KIAA1614: variants seen among roughly 807,000 people sequenced by gnomAD.
KIAA1614 encodes the protein KIAA1614.
KIAA1614 carries 76 observed loss-of-function variants against 88.7 expected under a neutral mutation model. The ratio of observed to expected loss-of-function variants is 0.86; its 90% CI spans 0.71 to 1.04. The LOEUF is 1.04. Ranked by LOEUF, KIAA1614 falls within the 50% of genes least tolerant of loss-of-function variation. KIAA1614 has a pLI of 0.00. For missense variants in KIAA1614, 1,553 were observed against 1,582.5 expected (o/e 0.98, Z 0.32); for synonymous variants, 714 against 675.5 (o/e 1.06, Z -0.88).
At chr1:180,930,867 G>A (rs1016584790) in intron 4 of KIAA1614, among the ~76,000 whole-genome samples, 3 of 152,238 alleles carry the variant, frequency 2.0e-5, no homozygotes, top group Admixed American at 6.5e-5. Flanking sequence ...GTTACGCTCC[G>A]TCAAATCACC....
chr1:180,929,146 A>T (rs567170839), intron 4 of KIAA1614, among the ~76,000 whole-genome samples: 1 of 152,340 alleles, frequency 6.6e-6, no homozygotes, highest in African/African-American at 2.4e-5. Flanking sequence ...CAGTTTCCTC[A>T]CCCACAAAAT....
rs755057536 is a variant in KIAA1614, at chr1:180,944,518, T to C, written c.3287+2T>C. 9.3e-6 allele frequency: 15 copies of C among 1,612,766 alleles called. No individual in the cohort carries two copies. In the Admixed American group the frequency reaches 2.0e-4, roughly 22 times the overall value. On this transcript the variant is annotated splice_donor_variant, in intron 8 of 8. Coordinates refer to ENST00000367588, the MANE Select transcript of KIAA1614 (RefSeq NM_020950.2). LOFTEE classifies it high-confidence loss of function. Reference sequence around the variant, plus strand: ...AGGGGACCACAGTGCAGCTGGCAGGTATGAGGGGCACACATGGTTTGGAGG... The same window carrying C: ...AGGGGACCACAGTGCAGCTGGCAGGCATGAGGGGCACACATGGTTTGGAGG...
rs79702219 is a variant in KIAA1614, at chr1:180,948,501, G to A, written c.*2913G>A. On this transcript the variant is annotated 3_prime_UTR_variant, in exon 9 of 9. Coordinates refer to ENST00000367588, the MANE Select transcript of KIAA1614 (RefSeq NM_020950.2). Reference sequence around the variant, plus strand: ...CGAATTTCAGTTGCGAAACCTACCCGAGTCTCCCCAAAATGGCAGGCGTGA... The same window carrying A: ...CGAATTTCAGTTGCGAAACCTACCCAAGTCTCCCCAAAATGGCAGGCGTGA... 10 of 152,316 alleles carry A rather than the reference G, an allele frequency of 6.6e-5. No homozygotes were observed. Among genetic ancestry groups the A allele is most frequent in the East Asian group, 3.9e-4 (2 of 5,186 alleles). The allele number at this position is 152,316 out of a possible 1,614,324, so 9.4% of individuals were successfully genotyped here.
intron 3 of KIAA1614, 53 bp downstream of exon 3, chr1:180,917,967 C>T (rs978322281): frequency 2.0e-6 from 3 of 1,475,474 alleles, no homozygotes; most frequent in Non-Finnish European, 1.9e-6. Flanking sequence ...CATGGTCCCT[C>T]TATTTACTCA....
chr1:180,917,322 TG>T (rs1224126678), intron 2 of KIAA1614, among the ~76,000 whole-genome samples: 1 of 152,182 alleles, frequency 6.6e-6, no homozygotes, highest in East Asian at 1.9e-4. Flanking sequence ...CCCATGACCC[TG>T]CAGACCAATA....
intron 3 of KIAA1614, among the ~76,000 whole-genome samples, chr1:180,921,231 G>C (rs1241366795): frequency 6.6e-6 from 1 of 151,522 alleles, no homozygotes; most frequent in Non-Finnish European, 1.5e-5. Flanking sequence ...GGGGTCACAA[G>C]GTGCTCAGTG....
chr1:180,915,616 T>C (rs1378394321), intron 1 of KIAA1614, among the ~76,000 whole-genome samples: 1 of 152,210 alleles, frequency 6.6e-6, no homozygotes, highest in Non-Finnish European at 1.5e-5. Context: ...ACTTGCATTT[T>C]TTTAAAAGTG....
intron 7 of KIAA1614, among the ~76,000 whole-genome samples, chr1:180,942,363 G>A (rs1654487938): frequency 6.6e-6 from 1 of 152,214 alleles, no homozygotes; most frequent in African/African-American, 2.4e-5. Flanking sequence ...TCTGTTCCAG[G>A]GAGTTCAGGT....
chr1:180,930,718 C>T (rs1654179151), intron 4 of KIAA1614, among the ~76,000 whole-genome samples: 2 of 152,246 alleles, frequency 1.3e-5, no homozygotes, highest in South Asian at 4.1e-4. Context: ...CATAGAAATG[C>T]TATAGAATTG....
intron 7 of KIAA1614, 76 bp downstream of exon 7, chr1:180,941,361 GGGA>G (rs1429388337): frequency 1.4e-5 from 22 of 1,517,316 alleles, no homozygotes; most frequent in Non-Finnish European, 1.9e-5. Flanking sequence ...AGTGAAAGGA[GGGA>G]GGAGGTGATG....
chr1:180,913,189 C>T lies in KIAA1614; in HGVS notation c.-55C>T. ...GGGGCTGGAAGTCCCTCCCCGAACCCAGCAGCTGGCCTGGGAGGGAGAAGG... is the reference window on the plus strand; with the variant it reads ...GGGGCTGGAAGTCCCTCCCCGAACCTAGCAGCTGGCCTGGGAGGGAGAAGG... On this transcript the variant is annotated 5_prime_UTR_variant, in exon 1 of 9. Coordinates refer to ENST00000367588, the MANE Select transcript of KIAA1614 (RefSeq NM_020950.2). 1 of 1,218,168 alleles carries T rather than the reference C, an allele frequency of 8.2e-7. No homozygotes were observed. The highest frequency in any genetic ancestry group is 1.0e-6 in the Non-Finnish European group (1 of 961,498). 75.5% of individuals were successfully genotyped at this position (1,218,168 alleles called of 1,614,324 possible).
intron 1 of KIAA1614, among the ~76,000 whole-genome samples, chr1:180,915,533 G>A (rs1653769926): frequency 6.6e-6 from 1 of 152,124 alleles, no homozygotes; most frequent in African/African-American, 2.4e-5. Flanking sequence ...TATAAAATGG[G>A]GATAGAAAAA....
intron 1 of KIAA1614, 85 bp downstream of exon 1, chr1:180,913,378 C>T (rs997979714): frequency 1.1e-6 from 1 of 931,484 alleles, no homozygotes; most frequent in Non-Finnish European, 1.4e-6. Context: ...CAGGTCGCCC[C>T]GGCCACTGGG....
At chr1:180,933,403 A>G (rs1654245379) in intron 4 of KIAA1614, among the ~76,000 whole-genome samples, 1 of 152,174 alleles carries the variant, frequency 6.6e-6, no homozygotes, top group African/African-American at 2.4e-5. Flanking sequence ...AGTTGGACCT[A>G]CAGACAGGAG....
chr1:180,939,696 T>C (rs1403486439), intron 6 of KIAA1614, among the ~76,000 whole-genome samples: 2 of 152,210 alleles, frequency 1.3e-5, no homozygotes, highest in African/African-American at 2.4e-5. Context: ...TTGGATTAAA[T>C]GGTGTCATTC....
In KIAA1614 at chr1:180,916,880, G is replaced by C. The variant is rs1213074170; in HGVS notation, c.777G>C (p.Leu259=). The C allele has an allele frequency of 4.3e-6, 7 of 1,614,104 alleles. No homozygotes were observed. Among genetic ancestry groups the C allele is most frequent in the Non-Finnish European group, 5.9e-6 (7 of 1,180,056 alleles). ...VTEADLDSTS[L]TSEEVFVPRT... ...AGGCAGATCTGGATAGCACATCCCT[G>C]ACCTCCGAGGAGGTCTTTGTCCCCA... The change falls in exon 2 of 9, where the codon CTG becomes CTC. Residue 259 remains leucine, a synonymous_variant. Transcript: ENST00000367588.
At position 180,936,130 on chromosome 1, in the gene KIAA1614, A is replaced by T; in HGVS notation, c.2221A>T (p.Thr741Ser). The T allele has an allele frequency of 6.2e-7, 1 of 1,613,808 alleles. No homozygotes were observed. Among genetic ancestry groups the T allele is most frequent in the Non-Finnish European group, 8.5e-7 (1 of 1,179,934 alleles). ...CCAGCCTCACCCTTTGGATTCCCGG[A>T]CTCCATGCAGGACAGCCTATGCCAC... ...SHQPHPLDSR[T>S]PCRTAYATTA... is the part of the protein sequence containing the mutation. The change falls in exon 5 of 9, where the codon ACT becomes TCT. Residue 741 changes from threonine (T) to serine (S), a missense_variant. Thr to Ser is a moderately conservative substitution (Grantham distance 58, BLOSUM62 1). Coordinates refer to ENST00000367588, the MANE Select transcript of KIAA1614 (RefSeq NM_020950.2).
In KIAA1614 at chr1:180,945,772, T is replaced by G. The variant is rs1654577790; in HGVS notation, c.*184T>G. The G allele has an allele frequency of 2.2e-6, 3 of 1,362,870 alleles. No homozygotes were observed. Among genetic ancestry groups the G allele is most frequent in the Admixed American group, 3.9e-5 (1 of 25,906 alleles). 84.4% of individuals were successfully genotyped at this position (1,362,870 alleles called of 1,614,324 possible). Reference sequence around the variant, plus strand: ...CGGGAGGGGGTAGAGTTGGCAGGTTTGACTCCACTGTCCCCCTGCTGTCTG... The same window carrying G: ...CGGGAGGGGGTAGAGTTGGCAGGTTGGACTCCACTGTCCCCCTGCTGTCTG... On this transcript the variant is annotated 3_prime_UTR_variant, in exon 9 of 9. Coordinates refer to ENST00000367588, the MANE Select transcript of KIAA1614 (RefSeq NM_020950.2).
rs777353488 is a variant in KIAA1614, at chr1:180,945,472, G to A, written c.3457G>A (p.Gly1153Arg). 4 of 1,613,062 alleles carry A rather than the reference G, an allele frequency of 2.5e-6. No homozygotes were observed. In the South Asian group the frequency reaches 4.4e-5, roughly 18 times the overall value. The change falls in exon 9 of 9, where the codon GGG becomes AGG. Residue 1153 changes from glycine to arginine, a missense_variant. Gly to Arg is a moderately radical substitution (Grantham distance 125). Transcript: ENST00000367588. ...TFGFCVASGN[G>R]RPDSGMPSPL... Reference sequence around the variant, plus strand: ...CGGCTTCTGCGTGGCCTCTGGGAATGGGCGCCCAGACTCAGGTATGCCCTC... The same window carrying A: ...CGGCTTCTGCGTGGCCTCTGGGAATAGGCGCCCAGACTCAGGTATGCCCTC...
Sources: gnomAD v4.1 joint callset for allele counts (sites outside exome capture counted in the v4.1 genomes callset) on GRCh38, gnomAD v4.1.1 for gene constraint, MANE v1.5 for transcripts, NCBI Gene and HGNC (gene_info 2026-07-23, HGNC 2026-07-21) for gene names.